The following DIAPH2 variants were observed in gnomAD, a reference collection of about 807,000 sequenced individuals.
DIAPH2 encodes the protein protein diaphanous homolog 2.
A neutral mutation model predicts 92.7 loss-of-function variants in DIAPH2; 35 were observed. The observed-to-expected ratio is 0.38, with a 90% CI of 0.29 to 0.50. The LOEUF is 0.50. Ranked by LOEUF, DIAPH2 falls within the 20% of genes least tolerant of loss-of-function variation. The pLI is 0.94. For missense variants in DIAPH2, 701 were observed against 819.5 expected (o/e 0.86, Z 1.77); for synonymous variants, 301 against 280.4 (o/e 1.07, Z -0.73).
intron 4 of DIAPH2, among the ~76,000 whole-genome samples, chrX:96,852,554 A>G (rs1394821443): frequency 1.8e-5 from 2 of 111,698 alleles, no homozygotes; most frequent in East Asian, 2.8e-4. Context: ...GTTGAGAGAA[A>G]CTTGGAAAGT....
chrX:96,702,633 G>T lies in DIAPH2; in HGVS notation c.132+17443G>T, dbSNP rs377508331. Among the ~76,000 whole-genome samples, 4 of 112,296 alleles carry T rather than the reference G, an allele frequency of 3.6e-5. No individual in the cohort carries two copies. The East Asian group carries it at 8.4e-4, about 24-fold the overall frequency. On this transcript the variant is annotated intron_variant, in intron 1 of 26. Coordinates refer to ENST00000324765, the MANE Select transcript of DIAPH2 (RefSeq NM_006729.5). ...ATAGAATGGAGAAAGGGCATTGTCTGTAGTGAGAAAAATATGCATATCTCA... is the reference window on the plus strand; with the variant it reads ...ATAGAATGGAGAAAGGGCATTGTCTTTAGTGAGAAAAATATGCATATCTCA...
chrX:97,013,168 C>T (rs2066238679), intron 17 of DIAPH2, among the ~76,000 whole-genome samples: 2 of 112,271 alleles, frequency 1.8e-5, no homozygotes, highest in Admixed American at 1.9e-4. Flanking sequence ...TAGGCCTCAA[C>T]TACTGAGGTA....
intron 5 of DIAPH2, among the ~76,000 whole-genome samples, chrX:96,888,495 ATC>A (rs1273648011): frequency 1.9e-5 from 2 of 104,360 alleles, no homozygotes; most frequent in Non-Finnish European, 1.9e-5. Context: ...ACAGATATAT[ATC>A]TCTATATATG....
chrX:97,095,573 A>C (rs1213646075), intron 19 of DIAPH2, among the ~76,000 whole-genome samples: 1 of 110,126 alleles, frequency 9.1e-6, no homozygotes, highest in East Asian at 2.8e-4. Flanking sequence ...GTCTTAATCA[A>C]AATGAACCTA....
At chrX:97,047,319 T>C (rs1355526679) in intron 17 of DIAPH2, among the ~76,000 whole-genome samples, 1 of 110,730 alleles carries the variant, frequency 9.0e-6, no homozygotes, top group Non-Finnish European at 1.9e-5. Context: ...CCGTTGTGTT[T>C]ATCTAGTTCA....
chrX:97,368,413 C>G (rs2069404279), intron 24 of DIAPH2, among the ~76,000 whole-genome samples: 1 of 112,123 alleles, frequency 8.9e-6, no homozygotes, highest in Admixed American at 9.5e-5. Flanking sequence ...TTTACATATT[C>G]TTTAAACAGT....
At chrX:97,269,298 T>C (rs2147582046) in intron 23 of DIAPH2, among the ~76,000 whole-genome samples, 1 of 111,785 alleles carries the variant, frequency 8.9e-6, no homozygotes, top group Non-Finnish European at 1.9e-5. Flanking sequence ...AAGTGAGGTA[T>C]GCAAAAGTGT....
intron 22 of DIAPH2, among the ~76,000 whole-genome samples, chrX:97,205,326 G>T (rs185892262): frequency 6.3e-5 from 7 of 111,800 alleles, no homozygotes; most frequent in Non-Finnish European, 1.3e-4. Flanking sequence ...TTGACAAATG[G>T]GATCTAATTA....
chrX:96,884,672 T>C (rs1440932728), intron 5 of DIAPH2: 5 of 1,207,699 alleles, frequency 4.1e-6, no homozygotes, highest in Non-Finnish European at 4.5e-6. Flanking sequence ...CCATTGTCAG[T>C]CGGAGTATAT....
intron 17 of DIAPH2, among the ~76,000 whole-genome samples, chrX:97,071,061 T>C (rs944144636): frequency 4.5e-5 from 5 of 111,274 alleles, no homozygotes; most frequent in Non-Finnish European, 7.6e-5. Flanking sequence ...TATTGAGATA[T>C]TAGGAAAATT....
chrX:97,486,081 A>G (rs1448975849), intron 26 of DIAPH2, among the ~76,000 whole-genome samples: 1 of 111,282 alleles, frequency 9.0e-6, no homozygotes, highest in Non-Finnish European at 1.9e-5. Context: ...ATTTCTTTTC[A>G]AGAAAAATAA....
At position 97,602,711 on chromosome X, in the gene DIAPH2, T is replaced by G; in HGVS notation, c.*3394T>G. Reference sequence around the variant, plus strand: ...TCCTCTGTTCCCACACTTGGGCCTCTGCCTCTGTACCTGCAGCTCTGCTCT... The same window carrying G: ...TCCTCTGTTCCCACACTTGGGCCTCGGCCTCTGTACCTGCAGCTCTGCTCT... On this transcript the variant is annotated 3_prime_UTR_variant, in exon 27 of 27. Coordinates refer to ENST00000324765, the MANE Select transcript of DIAPH2 (RefSeq NM_006729.5). 8.9e-6 allele frequency: 1 copy of G among 112,361 alleles called. No individual in the cohort carries two copies. The highest frequency in any genetic ancestry group is 2.8e-4 in the East Asian group (1 of 3,573). The allele number at this position is 112,361 out of a possible 1,213,427, so 9.3% of individuals were successfully genotyped here.
At position 96,985,959 on chromosome X, in the gene DIAPH2, G is replaced by T. The variant is rs151228761; in HGVS notation, c.2050+20752G>T. ...CATGCTTCTTTGACTGAAAGGAATCGATATGTCAACTTATCAAAATATGTT... is the reference window on the plus strand; with the variant it reads ...CATGCTTCTTTGACTGAAAGGAATCTATATGTCAACTTATCAAAATATGTT... On this transcript the variant is annotated intron_variant, in intron 17 of 26. Coordinates refer to ENST00000324765, the MANE Select transcript of DIAPH2 (RefSeq NM_006729.5). Among the ~76,000 whole-genome samples the T allele has an allele frequency of 2.1e-3, 229 of 110,964 alleles. 1 individual carries two copies. Among genetic ancestry groups the T allele is most frequent in the African/African-American group, 7.1e-3 (218 of 30,677 alleles).
rs767069481 is a variant in DIAPH2 at position 97,475,355 on chromosome X, A to G, written c.3241+45610A>G. On this transcript the variant is annotated intron_variant, in intron 26 of 26. Coordinates refer to ENST00000324765, the MANE Select transcript of DIAPH2 (RefSeq NM_006729.5). ...TTACAAAGTAGACAGATGTATTTCA[A>G]ATGAGGAGAAAATGCCCCAAACATA... Among the ~76,000 whole-genome samples, 3 of 112,299 alleles carry G rather than the reference A, an allele frequency of 2.7e-5. No homozygotes were observed. In the South Asian group the frequency reaches 1.1e-3, roughly 42 times the overall value.
intron 17 of DIAPH2, among the ~76,000 whole-genome samples, chrX:97,003,231 T>A (rs888123842): frequency 1.9e-4 from 21 of 112,049 alleles, no homozygotes; most frequent in Middle Eastern, 4.6e-3. Context: ...GTTCCAAATC[T>A]TAGCTATTGT....
At chrX:97,325,258 G>A (rs1394346663) in intron 23 of DIAPH2, among the ~76,000 whole-genome samples, 1 of 111,889 alleles carries the variant, frequency 8.9e-6, no homozygotes, top group Non-Finnish European at 1.9e-5. Flanking sequence ...CTCTGTGGTT[G>A]GCCTTATGTC....
chrX:96,788,646 T>G (rs774708714), intron 4 of DIAPH2, among the ~76,000 whole-genome samples: 2 of 112,279 alleles, frequency 1.8e-5, no homozygotes, highest in Non-Finnish European at 3.8e-5. Context: ...TAACATCTTT[T>G]TGTTTCTGTT....
chrX:97,242,017 G>A (rs1040612872), intron 22 of DIAPH2, among the ~76,000 whole-genome samples: 6 of 110,352 alleles, frequency 5.4e-5, no homozygotes, highest in Admixed American at 1.9e-4. Context: ...CTTGTGATCC[G>A]CCCGCCTCGG....
intron 26 of DIAPH2, among the ~76,000 whole-genome samples, chrX:97,561,253 G>A (rs1192717226): frequency 6.2e-5 from 7 of 112,077 alleles, no homozygotes; most frequent in African/African-American, 2.3e-4. Context: ...CAATTGAATT[G>A]CCAGTGATAG....
Sources: allele counts gnomAD v4.1 joint callset (sites outside exome capture counted in the v4.1 genomes callset), GRCh38; gene constraint gnomAD v4.1.1; transcripts MANE v1.5; gene names NCBI Gene and HGNC (gene_info 2026-07-23, HGNC 2026-07-21).